ZNF491: variants seen among roughly 807,000 people sequenced by gnomAD.
ZNF491 encodes zinc finger protein 491.
A neutral mutation model predicts 34.7 loss-of-function variants in ZNF491; 22 were observed. That is an observed-to-expected ratio of 0.63 (90% CI 0.45 to 0.90). ZNF491 has a LOEUF of 0.90. Ranked by LOEUF, ZNF491 falls within the 40% of genes least tolerant of loss-of-function variation. The pLI is 0.00. For missense variants in ZNF491, 559 were observed against 531.7 expected (o/e 1.05, Z -0.51); for synonymous variants, 148 against 174.3 (o/e 0.85, Z 1.19).
chr19:11,805,084 A>G (rs960096598), intron 2 of ZNF491, among the ~76,000 whole-genome samples: 1 of 152,214 alleles, frequency 6.6e-6, no homozygotes, highest in Non-Finnish European at 1.5e-5. Context: ...TAGAGGTTTA[A>G]TGTTCATAAA....
intron 2 of ZNF491, 33 bp from the exon 3 acceptor site, chr19:11,805,914 G>A (rs1396026288): frequency 4.1e-6 from 6 of 1,466,368 alleles, no homozygotes; most frequent in Non-Finnish European, 2.8e-6. Flanking sequence ...CTTATAAACA[G>A]ACCCTTAATT....
intron 1 of ZNF491, among the ~76,000 whole-genome samples, chr19:11,804,006 C>G (rs530262985): frequency 6.6e-6 from 1 of 152,142 alleles, no homozygotes; most frequent in East Asian, 1.9e-4. Flanking sequence ...AGTTTGAGAC[C>G]AGCCTGACCA....
rs939731622 is a variant in ZNF491 at position 11,798,915 on chromosome 19, C to T, written c.-134+188C>T. Among the ~76,000 whole-genome samples the T allele has an allele frequency of 1.3e-5, 2 of 152,196 alleles. No individual in the cohort carries two copies. Among genetic ancestry groups the T allele is most frequent in the Non-Finnish European group, 2.9e-5 (2 of 68,036 alleles). On this transcript the variant is annotated intron_variant, in intron 1 of 2. Coordinates refer to ENST00000323169, the MANE Select transcript of ZNF491 (RefSeq NM_152356.4). The surrounding 1 kb of genome is among the most constrained non-coding windows in gnomAD (Gnocchi z 4.0). ...TGGGGCTGGGCCCGCAGCTGGGACC[C>T]CGGGCGTCCTGTCCCGTCCCTACGC...
rs994594236 is a variant in ZNF491 at position 11,808,360 on chromosome 19, C to G, written c.*1093C>G. Among the ~76,000 whole-genome samples, 3 of 144,154 alleles carry G rather than the reference C, an allele frequency of 2.1e-5. No individual in the cohort carries two copies. Among genetic ancestry groups the G allele is most frequent in the Admixed American group, 7.1e-5 (1 of 14,126 alleles). 94.6% of individuals were successfully genotyped at this position (144,154 alleles called of 152,430 possible). ...TCACGCCACTGTACTCCAGCCTGGA[C>G]AAGAGAGCAATACTCTGTCTCAAAA... On this transcript the variant is annotated 3_prime_UTR_variant, in exon 3 of 3. Transcript: ENST00000323169.
chr19:11,803,857 G>A (rs1170027694), intron 1 of ZNF491, among the ~76,000 whole-genome samples: 1 of 152,138 alleles, frequency 6.6e-6, no homozygotes, highest in African/African-American at 2.4e-5. Context: ...GTCCAGCACA[G>A]GTCCAAGGGA....
chr19:11,801,649 T>C (rs1568232350), intron 1 of ZNF491, among the ~76,000 whole-genome samples: 1 of 152,204 alleles, frequency 6.6e-6, no homozygotes, highest in Non-Finnish European at 1.5e-5. Flanking sequence ...TTTTCCTTTT[T>C]GGTACAATAA....
Position 11,807,125 on chromosome 19 carries a change from C to A in ZNF491, c.1172C>A (p.Ala391Asp). The A allele has an allele frequency of 1.9e-6, 3 of 1,612,710 alleles. No individual in the cohort carries two copies. Among genetic ancestry groups the A allele is most frequent in the Non-Finnish European group, 2.5e-6 (3 of 1,179,540 alleles). Reference protein sequence around the residue: ...KPYECKHCGKAFTCSIYIRIH... With the variant: ...KPYECKHCGKDFTCSIYIRIH... ...TATGAATGTAAGCATTGTGGGAAAGCCTTCACTTGTTCCATATATATTAGA... is the reference window on the plus strand; with the variant it reads ...TATGAATGTAAGCATTGTGGGAAAGACTTCACTTGTTCCATATATATTAGA... Residue 391 changes from alanine to aspartate, a missense_variant, in exon 3 of 3, where the codon GCC becomes GAC. Coordinates refer to ENST00000323169, the MANE Select transcript of ZNF491 (RefSeq NM_152356.4).
rs77220751 is a variant in ZNF491 at position 11,807,071 on chromosome 19, A to G, written c.1118A>G (p.His373Arg). 2.7e-4 allele frequency: 431 copies of G among 1,608,166 alleles called. No homozygotes were observed. The African/African-American group carries it at 5.1e-3, about 19-fold the overall frequency. The change falls in exon 3 of 3, where the codon CAT becomes CGT. Residue 373 changes from histidine to arginine, a missense_variant. Physicochemically the swap from His to Arg is conservative, Grantham distance 29. Coordinates refer to ENST00000323169, the MANE Select transcript of ZNF491 (RefSeq NM_152356.4). ...CATTGTGTCAGCTCCTTTCATAGAC[A>G]TGAAAGGACTCACGCTGGAGAAAAA... The part of the protein sequence containing the change: ...AFHCVSSFHR[H>R]ERTHAGEKPY...
Position 11,806,251 on chromosome 19 carries a change from G to C in ZNF491, c.298G>C (p.Glu100Gln). 3 of 1,608,482 alleles carry C rather than the reference G, an allele frequency of 1.9e-6. 1 individual carries two copies. Among genetic ancestry groups the C allele is most frequent in the South Asian group, 2.2e-5 (2 of 89,880 alleles). The change falls in exon 3 of 3, where the codon GAG (glutamate) becomes CAG (glutamine). Residue 100 changes from glutamate (E) to glutamine (Q), a missense_variant. Coordinates refer to ENST00000323169, the MANE Select transcript of ZNF491 (RefSeq NM_152356.4). ...FRTHERPHTR[E>Q]KPFDCKECEK... ...AACACATGAAAGGCCTCACACTAGA[G>C]AGAAACCTTTTGATTGTAAGGAATG...
chr19:11,805,571 GA>G (rs1450090362), intron 2 of ZNF491, among the ~76,000 whole-genome samples: 1 of 152,112 alleles, frequency 6.6e-6, no homozygotes, highest in Admixed American at 6.6e-5. Flanking sequence ...AATGCAGCTG[GA>G]CATGGTGGCT....
chr19:11,806,216 A>G lies in ZNF491; in HGVS notation c.263A>G (p.His88Arg), dbSNP rs150364675. The change falls in exon 3 of 3, where the codon CAC becomes CGC. Residue 88 changes from histidine to arginine, a missense_variant. Physicochemically the swap from His to Arg is conservative, Grantham distance 29. Transcript: ENST00000323169. Reference protein sequence around the residue: ...KQRRKALSHSHCFRTHERPHT... With the variant: ...KQRRKALSHSRCFRTHERPHT... ...CGTAGGAAAGCCTTGAGCCATAGCC[A>G]CTGCTTTCGAACACATGAAAGGCCT... The G allele has an allele frequency of 1.9e-6, 3 of 1,613,762 alleles. No homozygotes were observed. The East Asian group carries it at 6.7e-5, about 36-fold the overall frequency.
In ZNF491 at chr19:11,806,192, G is replaced by A. The variant is rs375933257; in HGVS notation, c.239G>A (p.Arg80His). ...GAGAAGCCATATAAACATAAACAAC[G>A]TAGGAAAGCCTTGAGCCATAGCCAC... ...FLEKPYKHKQ[R>H]RKALSHSHCF... Residue 80 changes from arginine to histidine, a missense_variant, in exon 3 of 3, where the codon CGT (arginine) becomes CAT (histidine). Physicochemically the swap from Arg to His is conservative, Grantham distance 29 (BLOSUM62 0). Coordinates refer to ENST00000323169, the MANE Select transcript of ZNF491 (RefSeq NM_152356.4). 16 of 1,614,038 alleles carry A rather than the reference G, an allele frequency of 9.9e-6. No homozygotes were observed. The highest frequency in any genetic ancestry group is 8.0e-5 in the African/African-American group (6 of 75,040).
rs1245549561 is a variant in ZNF491, at chr19:11,806,651, A to G, written c.698A>G (p.His233Arg). 2 of 1,613,736 alleles carry G rather than the reference A, an allele frequency of 1.2e-6. No homozygotes were observed. The highest frequency in any genetic ancestry group is 1.7e-6 in the Non-Finnish European group (2 of 1,179,900). ...AATTGTCCCAGTTCTTTTCACAGGCATGAAAGGACTCACACAGGAGAAAAA... is the reference window on the plus strand; with the variant it reads ...AATTGTCCCAGTTCTTTTCACAGGCGTGAAAGGACTCACACAGGAGAAAAA... Reference protein sequence around the residue: ...AFNCPSSFHRHERTHTGEKPY... With the variant: ...AFNCPSSFHRRERTHTGEKPY... Residue 233 changes from histidine (H) to arginine (R), a missense_variant, in exon 3 of 3, where the codon CAT becomes CGT. Coordinates refer to ENST00000323169, the MANE Select transcript of ZNF491 (RefSeq NM_152356.4).
chr19:11,804,790 G>A lies in ZNF491; in HGVS notation c.-8+123G>A, dbSNP rs1599280907. 1.2e-5 allele frequency: 4 copies of A among 344,868 alleles called. No individual in the cohort carries two copies. In the East Asian group the frequency reaches 3.7e-4, roughly 32 times the overall value. The allele number at this position is 344,868 out of a possible 1,614,324, so 21.4% of individuals were successfully genotyped here. A position where few individuals can be genotyped will look rare whatever the true frequency, so the allele number is the denominator to read the frequency against. The stretch of plus-strand genomic sequence containing the variant: ...TTCGATGAACAAATCAGGCATGGCT[G>A]CAGTGTCCCATAAACATGGAATCTA... On this transcript the variant is annotated intron_variant, in intron 2 of 2. Coordinates refer to ENST00000323169, the MANE Select transcript of ZNF491 (RefSeq NM_152356.4).
Position 11,806,491 on chromosome 19 carries a change from A to G in ZNF491, c.538A>G (p.Thr180Ala). 6.2e-7 allele frequency: 1 copy of G among 1,613,968 alleles called. No homozygotes were observed. Among genetic ancestry groups the G allele is most frequent in the Non-Finnish European group, 8.5e-7 (1 of 1,179,962 alleles). ...WHSSVRIHERTHTGEKPYECK... is the reference protein window; with the variant it reads ...WHSSVRIHERAHTGEKPYECK... The stretch of plus-strand genomic sequence containing the variant: ...CAGTTCTGTTCGAATCCATGAAAGA[A>G]CTCACACTGGGGAGAAGCCATATGA... Residue 180 changes from threonine to alanine, a missense_variant, in exon 3 of 3, where the codon ACT (threonine) becomes GCT (alanine). Thr to Ala is a moderately conservative substitution (Grantham distance 58). Coordinates refer to ENST00000323169, the MANE Select transcript of ZNF491 (RefSeq NM_152356.4).
chr19:11,804,106 G>A lies in ZNF491; in HGVS notation c.-133-436G>A, dbSNP rs535008907. On this transcript the variant is annotated intron_variant, in intron 1 of 2. Coordinates refer to ENST00000323169, the MANE Select transcript of ZNF491 (RefSeq NM_152356.4). ...TAATCCCAGCTACTCAGGAGGCTGAGGCAGGAGAACTGCTTGAACCCGGGA... is the reference window on the plus strand; with the variant it reads ...TAATCCCAGCTACTCAGGAGGCTGAAGCAGGAGAACTGCTTGAACCCGGGA... Among the ~76,000 whole-genome samples the A allele has an allele frequency of 4.6e-5, 7 of 151,872 alleles. No individual in the cohort carries two copies. The South Asian group carries it at 1.2e-3, about 27-fold the overall frequency.
intron 1 of ZNF491, among the ~76,000 whole-genome samples, chr19:11,804,206 C>CG (rs1279946035): frequency 5.8e-5 from 4 of 69,446 alleles, no homozygotes; most frequent in African/African-American, 2.6e-4. Context: ...CCATCTCAGA[C>CG]AAAAAAAAAA....
rs1011350090 is a variant in ZNF491 at position 11,801,105 on chromosome 19, G to A, written c.-134+2378G>A. ...TGTAATCCCAGCACTTTGGCAGGCC[G>A]AGGTGGGAGGATCACTTGAGTCCAG... On this transcript the variant is annotated intron_variant, in intron 1 of 2. Transcript: ENST00000323169. 6.6e-5 allele frequency among the ~76,000 whole-genome samples: 10 copies of A among 151,872 alleles called. No homozygotes were observed. The East Asian group carries it at 1.5e-3, about 24-fold the overall frequency.
rs778715617 is a variant in ZNF491 at position 11,806,152 on chromosome 19, T to C, written c.199T>C (p.Cys67Arg). Residue 67 changes from cysteine (C) to arginine (R), a missense_variant, in exon 3 of 3, where the codon TGT becomes CGT. Coordinates refer to ENST00000323169, the MANE Select transcript of ZNF491 (RefSeq NM_152356.4). ...TGACACTGGACACCAACCACATAAG[T>C]GTCAGAAATTTTTAGAGAAGCCATA... ...RTDTGHQPHK[C>R]QKFLEKPYKH... 3 of 1,613,844 alleles carry C rather than the reference T, an allele frequency of 1.9e-6. No individual in the cohort carries two copies. The South Asian group carries it at 3.3e-5, about 18-fold the overall frequency.
Sources: gnomAD v4.1 joint callset for allele counts (sites outside exome capture counted in the v4.1 genomes callset) on GRCh38, gnomAD v4.1.1 for gene constraint, Gnocchi (gnomAD v3.1) non-coding constraint, MANE v1.5 for transcripts, NCBI Gene and HGNC (gene_info 2026-07-23, HGNC 2026-07-21) for gene names.